Variants in PPP2R2A observed in about 807,000 individuals in gnomAD.
PPP2R2A encodes serine/threonine-protein phosphatase 2A 55 kDa regulatory subunit B alpha isoform.
Under a neutral mutation model 53.2 loss-of-function variants are expected in PPP2R2A, and 9 were observed. The ratio of observed to expected loss-of-function variants is 0.17; its 90% CI spans 0.10 to 0.30. The LOEUF is 0.30. Ranked by LOEUF, PPP2R2A falls within the 10% of genes least tolerant of loss-of-function variation. PPP2R2A has a pLI of 1.00. For missense variants in PPP2R2A, 235 were observed against 534.6 expected, an observed-to-expected ratio of 0.44 and a Z score of 5.53; for synonymous variants, 169 against 174.2, an observed-to-expected ratio of 0.97 and a Z score of 0.23.
Position 26,291,677 on chromosome 8 carries a change from T to TGC in PPP2R2A, c.-143_-142insGC. 65 of 451,596 alleles carry TGC rather than the reference T, an allele frequency of 1.4e-4. No individual in the cohort carries two copies. The highest frequency in any genetic ancestry group is 3.2e-4 in the East Asian group (6 of 18,606). 28.0% of individuals were successfully genotyped at this position (451,596 alleles called of 1,614,324 possible). ...TGGTCTGCCCGCCCCTCCTTCCTTT[T>TGC]CCCCCCGGCCCCCGTCCCCTCCCCC... On this transcript the variant is annotated 5_prime_UTR_variant, in exon 1 of 10. Transcript: ENST00000380737.
chr8:26,313,242 C>T (rs538588634), intron 2 of PPP2R2A, among the ~76,000 whole-genome samples: 2 of 152,092 alleles, frequency 1.3e-5, no homozygotes, highest in South Asian at 4.2e-4. Flanking sequence ...ACTATGTTGG[C>T]CAGGCTGATC....
At chr8:26,308,653 G>A (rs1375070740) in intron 2 of PPP2R2A, among the ~76,000 whole-genome samples, 1 of 152,180 alleles carries the variant, frequency 6.6e-6, no homozygotes, top group Non-Finnish European at 1.5e-5. Context: ...CTACATGGAA[G>A]TCTTGAGCCC....
chr8:26,372,321 C>T lies in PPP2R2A; in HGVS notation c.*1908C>T, dbSNP rs1273629162. 1 of 152,184 alleles carries T rather than the reference C, an allele frequency of 6.6e-6. No homozygotes were observed. Among genetic ancestry groups the T allele is most frequent in the African/African-American group, 2.4e-5 (1 of 41,440 alleles). 9.4% of individuals were successfully genotyped at this position (152,184 alleles called of 1,614,324 possible). On this transcript the variant is annotated 3_prime_UTR_variant, in exon 10 of 10. Transcript: ENST00000380737. ...ATATTCCCCTGCCACAAGTGTCAAA[C>T]AGTGATATTCTTCCTGTGTTGTGAC...
intron 8 of PPP2R2A, among the ~76,000 whole-genome samples, chr8:26,364,899 G>A (rs1416544304): frequency 1.3e-5 from 2 of 152,138 alleles, no homozygotes; most frequent in Non-Finnish European, 2.9e-5. Flanking sequence ...TCACGTGTGG[G>A]TTCCGCAGGG....
chr8:26,354,374 T>G lies in PPP2R2A; in HGVS notation c.181-94T>G. ...TATAAAGACACAACTAATGGGGTAT[T>G]GAGAATGTGCAGGGTCCTTTGGAAT... On this transcript the variant is annotated intron_variant, in intron 3 of 9. Transcript: ENST00000380737. This position sits in a 1 kb window ranked among gnomAD's most constrained non-coding sequence, Gnocchi z 4.6. The G allele has an allele frequency of 9.9e-6, 10 of 1,008,150 alleles. No homozygotes were observed. The highest frequency in any genetic ancestry group is 1.1e-5 in the Non-Finnish European group (8 of 728,164). The allele number at this position is 1,008,150 out of a possible 1,614,324, so 62.5% of individuals were successfully genotyped here. A position where few individuals can be genotyped will look rare whatever the true frequency, so the allele number is the denominator to read the frequency against.
chr8:26,294,023 G>T (rs1035401540), intron 2 of PPP2R2A, among the ~76,000 whole-genome samples: 2 of 152,022 alleles, frequency 1.3e-5, no homozygotes, highest in Admixed American at 1.3e-4. Context: ...TCCATATAAG[G>T]GTTTCTTTGT....
Position 26,354,997 on chromosome 8 carries a change from GTAT to G in PPP2R2A, c.346+371_346+373del, listed in dbSNP as rs1208519251. Among the ~76,000 whole-genome samples, 8 of 152,136 alleles carry G rather than the reference GTAT, an allele frequency of 5.3e-5. No individual in the cohort carries two copies. Among genetic ancestry groups the G allele is most frequent in the Admixed American group, 1.3e-4 (2 of 15,284 alleles). ...CTAGAGATAGCAATTTTTTATTATA[GTAT>G]TATTATGAATATTAAATAACTTCAC... On this transcript the variant is annotated intron_variant, in intron 4 of 9. Transcript: ENST00000380737. This position sits in a 1 kb window ranked among gnomAD's most constrained non-coding sequence, Gnocchi z 4.6.
chr8:26,366,485 C>T (rs1164752866), intron 9 of PPP2R2A, 79 bp downstream of exon 9: 2 of 1,061,204 alleles, frequency 1.9e-6, no homozygotes, highest in Non-Finnish European at 2.7e-6. Context: ...CTAACTTCGT[C>T]TCTAGGGATT....
At chr8:26,317,148 C>T (rs1429567600) in intron 2 of PPP2R2A, among the ~76,000 whole-genome samples, 1 of 152,194 alleles carries the variant, frequency 6.6e-6, no homozygotes, top group Non-Finnish European at 1.5e-5. Flanking sequence ...TCCTGTCATT[C>T]TCCCCTTGCT....
intron 1 of PPP2R2A, 39 bp from the exon 2 acceptor site, chr8:26,293,627 G>A: frequency 1.3e-6 from 2 of 1,584,202 alleles, no homozygotes; most frequent in Non-Finnish European, 8.6e-7. Context: ...GTCAACATAA[G>A]CAGAACTCGG....
chr8:26,298,970 T>A (rs1279449115), intron 2 of PPP2R2A, among the ~76,000 whole-genome samples: 1 of 152,210 alleles, frequency 6.6e-6, no homozygotes, highest in African/African-American at 2.4e-5. Flanking sequence ...AAGTGTGTAA[T>A]AATTGGTCAA....
At chr8:26,334,464 G>A (rs1015201739) in intron 2 of PPP2R2A, among the ~76,000 whole-genome samples, 5 of 152,188 alleles carry the variant, frequency 3.3e-5, no homozygotes, top group South Asian at 2.1e-4. Flanking sequence ...GTCAGTATCC[G>A]GCCAGGTACG....
At chr8:26,365,665 A>G (rs1805334892) in intron 8 of PPP2R2A, 1 of 152,142 alleles carries the variant, frequency 6.6e-6, no homozygotes, top group African/African-American at 2.4e-5. Context: ...TAAATATGAG[A>G]TTTCTAGTTT....
rs1805183299 is a variant in PPP2R2A at position 26,362,889 on chromosome 8, T to C, written c.802+41T>C. The C allele has an allele frequency of 6.4e-7, 1 of 1,573,860 alleles. No individual in the cohort carries two copies. The highest frequency in any genetic ancestry group is 8.7e-7 in the Non-Finnish European group (1 of 1,150,916). On this transcript the variant is annotated intron_variant, in intron 7 of 9. Transcript: ENST00000380737. This position sits in a 1 kb window ranked among gnomAD's most constrained non-coding sequence, Gnocchi z 4.4. ...CTTTCCTTAAAATGATTACATATTC[T>C]GTTTGTCTGAAATAAGCCTCAGACA...
intron 2 of PPP2R2A, among the ~76,000 whole-genome samples, chr8:26,294,400 C>T (rs149564905): frequency 1.1e-3 from 167 of 152,234 alleles, no homozygotes; most frequent in Non-Finnish European, 1.9e-3. Context: ...AATTTTCTCC[C>T]CAAATTTATT....
chr8:26,311,809 C>T (rs1475875259), intron 2 of PPP2R2A, among the ~76,000 whole-genome samples: 1 of 152,080 alleles, frequency 6.6e-6, no homozygotes, highest in Non-Finnish European at 1.5e-5. Flanking sequence ...TCTGCATCTT[C>T]CCTCAAGAGT....
At chr8:26,313,913 C>T (rs772703689) in intron 2 of PPP2R2A, among the ~76,000 whole-genome samples, 1 of 152,096 alleles carries the variant, frequency 6.6e-6, no homozygotes, top group Non-Finnish European at 1.5e-5. Context: ...TTTAAGCCAC[C>T]GAATTTGCAG....
Position 26,370,292 on chromosome 8 carries a change from T to A in PPP2R2A, c.1223T>A (p.Ile408Lys), listed in dbSNP as rs1349356172. ...CASGKRKKDE[I>K]SVDSLDFNKK... ...AGTGGCAAGCGAAAGAAAGATGAAA[T>A]AAGTGTTGACAGCCTAGACTTCAAT... is the stretch of plus-strand genomic sequence containing the variant. Residue 408 changes from isoleucine (I) to lysine (K), a missense_variant, in exon 10 of 10, where the codon ATA becomes AAA. By Grantham distance (102) the Ile-to-Lys change is moderately radical. Around this residue, in one of 3 missense-constraint regions of PPP2R2A, gnomAD observed 181 missense variants for 409.9 expected, o/e 0.44. Coordinates refer to ENST00000380737, the MANE Select transcript of PPP2R2A (RefSeq NM_002717.4). The surrounding 1 kb of genome is among the most constrained non-coding windows in gnomAD (Gnocchi z 6.1). 2.8e-5 allele frequency: 45 copies of A among 1,613,958 alleles called. No individual in the cohort carries two copies. Among genetic ancestry groups the A allele is most frequent in the Non-Finnish European group, 3.7e-5 (44 of 1,180,014 alleles).
chr8:26,361,464 T>C (rs563568243), intron 6 of PPP2R2A, among the ~76,000 whole-genome samples: 16 of 152,282 alleles, frequency 1.1e-4, no homozygotes, highest in African/African-American at 3.8e-4. Flanking sequence ...GTGAGGTCTG[T>C]GTATGGTAGC....
Sources: gnomAD v4.1 joint callset for allele counts (sites outside exome capture counted in the v4.1 genomes callset) on GRCh38, gnomAD v4.1.1 for gene constraint, gnomAD v4.1.1 regional missense constraint, Gnocchi (gnomAD v3.1) non-coding constraint, MANE v1.5 for transcripts, NCBI Gene and HGNC (gene_info 2026-07-23, HGNC 2026-07-21) for gene names.